The following LRCH1 variants were observed in gnomAD, a reference collection of about 807,000 sequenced individuals.
LRCH1 encodes the protein leucine rich repeats and calponin homology domain containing 1, also known as leucine-rich repeat and calponin homology domain-containing protein 1.
In LRCH1, 23 loss-of-function variants were observed where a neutral mutation model predicts 94.9. That is an observed-to-expected ratio of 0.24 (90% confidence interval 0.17 to 0.34). The LOEUF (loss-of-function observed/expected upper bound fraction) is 0.34, where lower values mean the gene tolerates loss of function less well. Ranked by LOEUF, LRCH1 falls within the 10% of genes least tolerant of loss-of-function variation. The pLI is 1.00. For synonymous variants in LRCH1, 364 were observed against 354.9 expected (o/e 1.03, Z -0.29); for missense variants, 790 against 945.9 (o/e 0.84, Z 2.16).
chr13:46,720,558 A>G (rs796087116), intron 16 of LRCH1, among the ~76,000 whole-genome samples: 94 of 150,526 alleles, frequency 6.2e-4, no homozygotes, highest in African/African-American at 2.3e-3. Context: ...ATATTGTCTC[A>G]TGGCCTCAAG....
intron 1 of LRCH1, among the ~76,000 whole-genome samples, chr13:46,568,556 G>A (rs2050209396): frequency 6.6e-6 from 1 of 152,198 alleles, no homozygotes; most frequent in Non-Finnish European, 1.5e-5. Flanking sequence ...AACCCTCTTA[G>A]TAAAGTCTTA....
At chr13:46,720,143 T>C (rs1047110036) in intron 16 of LRCH1, among the ~76,000 whole-genome samples, 1 of 152,118 alleles carries the variant, frequency 6.6e-6, no homozygotes, top group Non-Finnish European at 1.5e-5. Context: ...TCCCAGCACT[T>C]TGGGAGTCTG....
At chr13:46,617,940 G>C (rs1413001275) in intron 1 of LRCH1, among the ~76,000 whole-genome samples, 1 of 152,160 alleles carries the variant, frequency 6.6e-6, no homozygotes, top group African/African-American at 2.4e-5. Flanking sequence ...CTAGGACAGT[G>C]AGATAAGTAA....
chr13:46,592,282 A>G (rs1054086913), intron 1 of LRCH1, among the ~76,000 whole-genome samples: 3 of 152,180 alleles, frequency 2.0e-5, no homozygotes, highest in African/African-American at 7.2e-5. Flanking sequence ...AATTTTCAGG[A>G]GACAACATCC....
chr13:46,629,144 G>T (rs2050988273), intron 1 of LRCH1, among the ~76,000 whole-genome samples: 1 of 152,160 alleles, frequency 6.6e-6, no homozygotes, highest in Non-Finnish European at 1.5e-5. Flanking sequence ...AAAACCCCAA[G>T]GGCAAAGTTC....
At chr13:46,556,622 C>T (rs2050069017) in intron 1 of LRCH1, among the ~76,000 whole-genome samples, 1 of 152,118 alleles carries the variant, frequency 6.6e-6, no homozygotes, top group Non-Finnish European at 1.5e-5. Flanking sequence ...CCCAGTCATA[C>T]CCTCATTTAT....
intron 2 of LRCH1, among the ~76,000 whole-genome samples, chr13:46,667,703 G>T (rs1158576183): frequency 6.6e-6 from 1 of 151,798 alleles, no homozygotes; most frequent in African/African-American, 2.4e-5. Flanking sequence ...AAAAAATAAA[G>T]AATTTTCACA....
chr13:46,697,360 C>T (rs1007651343), intron 9 of LRCH1, among the ~76,000 whole-genome samples: 4 of 152,162 alleles, frequency 2.6e-5, no homozygotes, highest in African/African-American at 9.7e-5. Context: ...ATGAACATTA[C>T]AACCATACCT....
intron 4 of LRCH1, among the ~76,000 whole-genome samples, chr13:46,684,634 A>G (rs749733017): frequency 2.6e-5 from 4 of 152,174 alleles, no homozygotes; most frequent in Non-Finnish European, 5.9e-5. Flanking sequence ...AATCTTCATA[A>G]TTCTTATCAT....
chr13:46,570,979 C>A (rs2137918898), intron 1 of LRCH1, among the ~76,000 whole-genome samples: 2 of 152,374 alleles, frequency 1.3e-5, no homozygotes, highest in Middle Eastern at 3.4e-3. Context: ...CTGCCTTTCT[C>A]AGGCATAGAA....
intron 5 of LRCH1, 74 bp downstream of exon 5, chr13:46,686,115 C>A (rs1377812715): frequency 1.5e-6 from 2 of 1,341,440 alleles, no homozygotes; most frequent in Middle Eastern, 2.0e-4. Context: ...ATTTCCCCTT[C>A]ACCCTCTGAA....
rs566284787 is a variant in LRCH1, at chr13:46,646,428, T to C, written c.308-3773T>C. On this transcript the variant is annotated intron_variant, in intron 1 of 19. Coordinates refer to ENST00000389797, the MANE Select transcript of LRCH1 (RefSeq NM_001164211.2). ...CTCCTGTCCTCCTAGCCAGAGATCC[T>C]CTCTCCAGAAACAACCACTTCAAAC... Among the ~76,000 whole-genome samples, 127 of 152,320 alleles carry C rather than the reference T, an allele frequency of 8.3e-4. 1 individual carries two copies. The highest frequency in any genetic ancestry group is 1.4e-3 in the Non-Finnish European group (98 of 68,018).
chr13:46,586,637 C>CA (rs2050438587), intron 1 of LRCH1, among the ~76,000 whole-genome samples: 1 of 152,196 alleles, frequency 6.6e-6, no homozygotes, highest in African/African-American at 2.4e-5. Context: ...AGGCTGGTCT[C>CA]AAACTCCTGA....
At chr13:46,686,952 A>ATTTTTTTT (rs71077916) in intron 5 of LRCH1, among the ~76,000 whole-genome samples, 63 of 85,444 alleles carry the variant, frequency 7.4e-4, no homozygotes, top group African/African-American at 9.3e-4. Context: ...GAGTATATTG[A>ATTTTTTTT]TTTTTTTTTT....
At chr13:46,606,969 G>A (rs2050695017) in intron 1 of LRCH1, among the ~76,000 whole-genome samples, 1 of 152,218 alleles carries the variant, frequency 6.6e-6, no homozygotes, top group South Asian at 2.1e-4. Flanking sequence ...AAGAGGAAGA[G>A]ATGGGAGTCA....
At chr13:46,575,161 A>G (rs1038748268) in intron 1 of LRCH1, among the ~76,000 whole-genome samples, 1 of 152,270 alleles carries the variant, frequency 6.6e-6, no homozygotes, top group Admixed American at 6.5e-5. Context: ...TACATTGTCA[A>G]TGACTCTGAC....
intron 1 of LRCH1, among the ~76,000 whole-genome samples, chr13:46,639,594 T>C (rs1801413594): frequency 6.6e-6 from 1 of 152,202 alleles, no homozygotes; most frequent in Admixed American, 6.5e-5. Flanking sequence ...CTGAGACCTC[T>C]GCCCTCCCTC....
At chr13:46,640,238 C>A (rs4942565) in intron 1 of LRCH1, among the ~76,000 whole-genome samples, 89,954 of 152,040 alleles carry the variant, frequency 0.59, 26,611 homozygotes, top group South Asian at 0.67. Flanking sequence ...CTAACATAAT[C>A]ATGATAGCAG....
At chr13:46,720,408 A>G (rs1318772209) in intron 16 of LRCH1, among the ~76,000 whole-genome samples, 1 of 151,982 alleles carries the variant, frequency 6.6e-6, no homozygotes, top group East Asian at 1.9e-4. Flanking sequence ...CCCAAAACCA[A>G]TCACCGCCTC....
Sources: allele counts gnomAD v4.1 joint callset (sites outside exome capture counted in the v4.1 genomes callset), GRCh38; gene constraint gnomAD v4.1.1; transcripts MANE v1.5; gene names NCBI Gene and HGNC (gene_info 2026-07-23, HGNC 2026-07-21).